Variants in MYO10 observed in about 807,000 individuals in gnomAD.
The protein encoded by MYO10 is unconventional myosin-X.
In MYO10, 133 loss-of-function variants were observed where a neutral mutation model predicts 257.3. That is an observed-to-expected ratio of 0.52 (90% CI 0.45 to 0.60). The LOEUF (loss-of-function observed/expected upper bound fraction) is 0.60. Ranked by LOEUF, MYO10 falls within the 20% of genes least tolerant of loss-of-function variation. The pLI is 0.00. For missense variants in MYO10, 2,399 were observed against 2,635.7 expected, an observed-to-expected ratio of 0.91 and a Z score of 1.97; for synonymous variants, 1,104 against 1,028.6, an observed-to-expected ratio of 1.07 and a Z score of -1.40.
intron 27 of MYO10, among the ~76,000 whole-genome samples, chr5:16,690,773 G>A (rs115880147): frequency 6.6e-6 from 1 of 151,954 alleles, no homozygotes; most frequent in Admixed American, 6.6e-5. Flanking sequence ...GTGAGGCGCA[G>A]GATTTGGGGT....
At chr5:16,900,246 T>C (rs548414983) in intron 1 of MYO10, among the ~76,000 whole-genome samples, 64 of 152,310 alleles carry the variant, frequency 4.2e-4, no homozygotes, top group African/African-American at 1.2e-3. Flanking sequence ...ATTAATTATA[T>C]GCCAAATAGC....
At chr5:16,668,138 G>A (rs897671078) in intron 40 of MYO10, 139 bp downstream of exon 40, 29 of 862,850 alleles carry the variant, frequency 3.4e-5, no homozygotes, top group Non-Finnish European at 4.3e-5. Flanking sequence ...GCTGGAAAGG[G>A]ACCACCACAC....
At chr5:16,866,494 G>C (rs2126751206) in intron 2 of MYO10, among the ~76,000 whole-genome samples, 1 of 152,158 alleles carries the variant, frequency 6.6e-6, no homozygotes, top group Admixed American at 6.5e-5. Context: ...AACCCTTTAT[G>C]GCCTCTAGAA....
At chr5:16,748,625 G>GGAGAGAGGGAGA (rs1553991963) in intron 19 of MYO10, among the ~76,000 whole-genome samples, 5 of 95,446 alleles carry the variant, frequency 5.2e-5, no homozygotes, top group African/African-American at 3.0e-4. Flanking sequence ...AGGGAGAGAG[G>GGAGAGAGGGAGA]GAGGGAGGGA....
intron 1 of MYO10, among the ~76,000 whole-genome samples, chr5:16,886,071 T>C (rs967244241): frequency 6.6e-6 from 1 of 152,228 alleles, no homozygotes; most frequent in African/African-American, 2.4e-5. Context: ...CTGGCAATCA[T>C]TTCTGAAGAA....
Position 16,801,353 on chromosome 5 carries a change from G to A in MYO10, c.280-6520C>T, listed in dbSNP as rs201318336. On this transcript the variant is annotated intron_variant, in intron 3 of 40. Transcript: ENST00000513610. ...CTCCCGAGTAGCTGGGATTACAGGC[G>A]CCCACAACCACACCTGGCTAATTTT... 3.0e-3 allele frequency among the ~76,000 whole-genome samples: 455 copies of A among 151,990 alleles called. 2 individuals carry two copies. The highest frequency in any genetic ancestry group is 6.0e-3 in the Admixed American group (92 of 15,256).
In MYO10 at chr5:16,701,440, G is replaced by C. The variant is rs767637393; in HGVS notation, c.2955C>G (p.Ser985Arg). Residue 985 changes from serine (S) to arginine (R), a missense_variant, in exon 25 of 41, where the codon AGC becomes AGG. Physicochemically the swap from Ser to Arg is moderately radical, Grantham distance 110. This residue lies in a region of MYO10 where 1,820 missense variants were observed against 1,939.4 expected (regional missense o/e 0.94). Coordinates refer to ENST00000513610, the MANE Select transcript of MYO10 (RefSeq NM_012334.3). The surrounding 1 kb of genome is among the most constrained non-coding windows in gnomAD (Gnocchi z 8.1). ...ACEEKPNFNF[S>R]QPYPEEEVDE... ...CGACCTCCTCCTCTGGGTAGGGCTG[G>C]CTGAAGTTGAAGTTGGGCTTCTCCT... 6.2e-7 allele frequency: 1 copy of C among 1,614,004 alleles called. No homozygotes were observed. The highest frequency in any genetic ancestry group is 2.2e-5 in the East Asian group (1 of 44,872).
At chr5:16,864,151 T>A (rs75514373) in intron 2 of MYO10, among the ~76,000 whole-genome samples, 1 of 118,744 alleles carries the variant, frequency 8.4e-6, no homozygotes, top group South Asian at 3.3e-4. Flanking sequence ...TGTGGCTATT[T>A]TTTTTTTTTT....
intron 4 of MYO10, among the ~76,000 whole-genome samples, chr5:16,792,107 A>C (rs1388687738): frequency 1.2e-5 from 1 of 83,914 alleles, no homozygotes; most frequent in African/African-American, 3.5e-5. Flanking sequence ...ACACACACAT[A>C]CATACACACA....
At chr5:16,799,488 G>A (rs1263222643) in intron 3 of MYO10, among the ~76,000 whole-genome samples, 1 of 135,856 alleles carries the variant, frequency 7.4e-6, no homozygotes, top group East Asian at 2.1e-4. Flanking sequence ...TGCTTTAGAA[G>A]AGAAATACTT....
chr5:16,800,252 C>T (rs1742083562), intron 3 of MYO10, among the ~76,000 whole-genome samples: 1 of 152,140 alleles, frequency 6.6e-6, no homozygotes, highest in Admixed American at 6.5e-5. Context: ...CATTACTACA[C>T]ATTGTCAATA....
At chr5:16,925,400 A>C (rs978212858) in intron 1 of MYO10, among the ~76,000 whole-genome samples, 1 of 152,184 alleles carries the variant, frequency 6.6e-6, no homozygotes, top group African/African-American at 2.4e-5. Flanking sequence ...TCTGGCCAAT[A>C]TGCATTATGG....
intron 1 of MYO10, among the ~76,000 whole-genome samples, chr5:16,923,459 T>C (rs575878082): frequency 1.3e-5 from 2 of 151,966 alleles, no homozygotes; most frequent in African/African-American, 4.8e-5. Flanking sequence ...GCTAATTTTT[T>C]TGTATTTTTA....
rs990133466 is a variant in MYO10, at chr5:16,747,533, A to G, written c.1929+7295T>C. 2.0e-5 allele frequency among the ~76,000 whole-genome samples: 3 copies of G among 152,230 alleles called. No homozygotes were observed. The South Asian group carries it at 6.2e-4, about 32-fold the overall frequency. On this transcript the variant is annotated intron_variant, in intron 19 of 40. Transcript: ENST00000513610. ...CCTGCAGAGCTGCACTTGGTCTTCT[A>G]TATTCACTGAACACTTTATTCACAA... is the stretch of plus-strand genomic sequence containing the variant.
At chr5:16,879,937 G>A (rs537027703) in intron 1 of MYO10, among the ~76,000 whole-genome samples, 16 of 152,244 alleles carry the variant, frequency 1.1e-4, no homozygotes, top group South Asian at 2.1e-4. Flanking sequence ...CAGCACTTTC[G>A]AAGGCCGAGA....
intron 3 of MYO10, among the ~76,000 whole-genome samples, chr5:16,809,459 C>A (rs1314745714): frequency 2.6e-5 from 4 of 152,214 alleles, no homozygotes; most frequent in African/African-American, 9.6e-5. Flanking sequence ...CAGTCCAGTC[C>A]ACGGCAGGGT....
At position 16,780,760 on chromosome 5, in the gene MYO10, G is replaced by T; in HGVS notation, c.728-19C>A. On this transcript the variant is annotated intron_variant, in intron 6 of 40. Transcript: ENST00000513610. ...AATAAATCTTCATGTGAAAAGCAAT[G>T]GCAAGTCAAGGAAAAAAACAAAGCT... 6.4e-7 allele frequency: 1 copy of T among 1,567,508 alleles called. No individual in the cohort carries two copies. Among genetic ancestry groups the T allele is most frequent in the Admixed American group, 1.9e-5 (1 of 53,208 alleles).
chr5:16,725,348 C>T (rs945564938), intron 19 of MYO10, among the ~76,000 whole-genome samples: 18 of 151,990 alleles, frequency 1.2e-4, no homozygotes, highest in Non-Finnish European at 2.2e-4. Context: ...CCTGCCTCGC[C>T]CTCCCAAAAT....
intron 26 of MYO10, among the ~76,000 whole-genome samples, chr5:16,696,717 G>A (rs31574): frequency 0.18 from 28,079 of 151,992 alleles, 2,839 homozygotes; most frequent in East Asian, 0.29. Context: ...TTAGTCAGGC[G>A]TGGTGGCGCA....
Sources: gnomAD v4.1 joint callset for allele counts (sites outside exome capture counted in the v4.1 genomes callset) on GRCh38, gnomAD v4.1.1 for gene constraint, gnomAD v4.1.1 regional missense constraint, Gnocchi (gnomAD v3.1) non-coding constraint, MANE v1.5 for transcripts, NCBI Gene and HGNC (gene_info 2026-07-23, HGNC 2026-07-21) for gene names.